The following NSMCE2 variants were observed in gnomAD, a reference collection of about 807,000 sequenced individuals.
NSMCE2 encodes the protein E3 SUMO-protein ligase NSE2.
NSMCE2 carries 24 observed loss-of-function variants against 23.8 expected under a neutral mutation model. The ratio of observed to expected loss-of-function variants is 1.01; its 90% CI spans 0.73 to 1.42. The LOEUF (loss-of-function observed/expected upper bound fraction) is 1.42, where lower values mean the gene tolerates loss of function less well. Ranked by LOEUF, NSMCE2 falls within the 40% of genes most tolerant of loss-of-function variation. The probability of loss-of-function intolerance (pLI) is 0.00; values close to 1 mark genes in which losing one functional copy is unlikely to be tolerated. For missense variants in NSMCE2, 284 were observed against 296.5 expected (o/e 0.96, Z 0.31); for synonymous variants, 92 against 94.1 (o/e 0.98, Z 0.13).
At chr8:125,260,035 T>C (rs1194065953) in intron 5 of NSMCE2, among the ~76,000 whole-genome samples, 2 of 152,210 alleles carry the variant, frequency 1.3e-5, no homozygotes, top group African/African-American at 4.8e-5. Context: ...GGCTGGATAT[T>C]CTGGGATAAA....
chr8:125,363,925 G>A (rs1436559868), intron 7 of NSMCE2, among the ~76,000 whole-genome samples: 1 of 151,982 alleles, frequency 6.6e-6, no homozygotes, highest in Non-Finnish European at 1.5e-5. Context: ...ACCTGAGTAT[G>A]TAGGGCACTT....
At chr8:125,100,059 A>G (rs998287796) in intron 1 of NSMCE2, among the ~76,000 whole-genome samples, 11 of 152,064 alleles carry the variant, frequency 7.2e-5, no homozygotes, top group Non-Finnish European at 1.5e-5. Flanking sequence ...CAGTTTATTC[A>G]TTTTAACAGG....
intron 3 of NSMCE2, among the ~76,000 whole-genome samples, chr8:125,115,738 AT>A (rs111930782): frequency 0.01 from 1,578 of 151,992 alleles, 24 homozygotes; most frequent in African/African-American, 0.025. Flanking sequence ...ATAAAAAAAA[AT>A]AATAATAAAT....
At chr8:125,167,962 G>T (rs1442582443) in intron 4 of NSMCE2, among the ~76,000 whole-genome samples, 1 of 152,028 alleles carries the variant, frequency 6.6e-6, no homozygotes, top group African/African-American at 2.4e-5. Flanking sequence ...TGTCAATGTT[G>T]GAACCAAGCT....
At chr8:125,329,164 A>C (rs1829782976) in intron 5 of NSMCE2, among the ~76,000 whole-genome samples, 1 of 152,212 alleles carries the variant, frequency 6.6e-6, no homozygotes, top group Non-Finnish European at 1.5e-5. Flanking sequence ...TCTGAATGAC[A>C]GCAAGACCAG....
In NSMCE2 at chr8:125,172,917, A is replaced by G. The variant is rs554901693; in HGVS notation, c.265-9186A>G. ...TGACGTTTATCTGACAACACTTTAGACTGTCATTCACAGGGGTGAGGAAGG... is the reference window on the plus strand; with the variant it reads ...TGACGTTTATCTGACAACACTTTAGGCTGTCATTCACAGGGGTGAGGAAGG... On this transcript the variant is annotated intron_variant, in intron 4 of 7. Transcript: ENST00000287437. Among the ~76,000 whole-genome samples, 10 of 152,188 alleles carry G rather than the reference A, an allele frequency of 6.6e-5. No individual in the cohort carries two copies. The South Asian group carries it at 2.1e-3, about 32-fold the overall frequency.
intron 4 of NSMCE2, among the ~76,000 whole-genome samples, chr8:125,169,036 G>A (rs1342926542): frequency 1.3e-5 from 2 of 152,174 alleles, no homozygotes; most frequent in Non-Finnish European, 2.9e-5. Context: ...CAAATCCAGA[G>A]AATATTGTTC....
intron 5 of NSMCE2, among the ~76,000 whole-genome samples, chr8:125,303,655 A>G (rs1451163991): frequency 3.3e-5 from 5 of 152,114 alleles, no homozygotes; most frequent in East Asian, 1.9e-4. Flanking sequence ...ATATATTCCA[A>G]TTGCTGTACA....
At chr8:125,315,899 C>T (rs1305957206) in intron 5 of NSMCE2, among the ~76,000 whole-genome samples, 1 of 152,092 alleles carries the variant, frequency 6.6e-6, no homozygotes, top group African/African-American at 2.4e-5. Context: ...ACCTCCTGGG[C>T]TCAAGCAATC....
intron 5 of NSMCE2, among the ~76,000 whole-genome samples, chr8:125,262,900 G>A (rs923420712): frequency 2.8e-5 from 4 of 144,428 alleles, no homozygotes; most frequent in Non-Finnish European, 6.1e-5. Context: ...AAATGTGGCA[G>A]TGGTTTTGAC....
chr8:125,257,527 T>C (rs1302180306), intron 5 of NSMCE2, among the ~76,000 whole-genome samples: 2 of 103,566 alleles, frequency 1.9e-5, no homozygotes, highest in Non-Finnish European at 3.9e-5. Context: ...TTTCTCTTTT[T>C]TTTTTTTTTT....
chr8:125,175,610 T>G (rs1486827290), intron 4 of NSMCE2, among the ~76,000 whole-genome samples: 2 of 152,198 alleles, frequency 1.3e-5, no homozygotes, highest in African/African-American at 4.8e-5. Flanking sequence ...ACTAATTTTA[T>G]ACTAGATTCT....
At chr8:125,229,924 C>T (rs1243304112) in intron 5 of NSMCE2, among the ~76,000 whole-genome samples, 4 of 152,028 alleles carry the variant, frequency 2.6e-5, no homozygotes, top group Non-Finnish European at 5.9e-5. Context: ...CATATAGTCT[C>T]AGACAGAAGC....
chr8:125,122,663 A>G (rs1367093027), intron 3 of NSMCE2, among the ~76,000 whole-genome samples: 2 of 152,008 alleles, frequency 1.3e-5, no homozygotes, highest in African/African-American at 4.8e-5. Context: ...ACCCAAACCA[A>G]ATTGATCTCT....
intron 5 of NSMCE2, among the ~76,000 whole-genome samples, chr8:125,260,692 T>G (rs1563749596): frequency 6.6e-6 from 1 of 151,882 alleles, no homozygotes; most frequent in African/African-American, 2.4e-5. Flanking sequence ...TGATGTGGTC[T>G]CAGCTCACTG....
chr8:125,338,761 A>G (rs1227123801), intron 5 of NSMCE2, among the ~76,000 whole-genome samples: 6 of 152,202 alleles, frequency 3.9e-5, no homozygotes, highest in Non-Finnish European at 7.3e-5. Context: ...TAGTTGGGTT[A>G]TAAATGAAAT....
intron 4 of NSMCE2, among the ~76,000 whole-genome samples, chr8:125,176,349 A>C (rs1345640526): frequency 6.6e-6 from 1 of 152,172 alleles, no homozygotes; most frequent in Non-Finnish European, 1.5e-5. Context: ...ATTCCTTCCT[A>C]AACTTTGTGG....
chr8:125,260,170 C>T (rs1826625039), intron 5 of NSMCE2, among the ~76,000 whole-genome samples: 1 of 152,142 alleles, frequency 6.6e-6, no homozygotes, highest in Non-Finnish European at 1.5e-5. Flanking sequence ...GGTTTCAAAT[C>T]AAGAAATGTG....
intron 5 of NSMCE2, among the ~76,000 whole-genome samples, chr8:125,184,183 A>G (rs1250533846): frequency 6.6e-6 from 1 of 152,194 alleles, no homozygotes; most frequent in Non-Finnish European, 1.5e-5. Flanking sequence ...TTGAAGGACA[A>G]ATATTCAAAA....
Sources: allele counts gnomAD v4.1 joint callset (sites outside exome capture counted in the v4.1 genomes callset), GRCh38; gene constraint gnomAD v4.1.1; transcripts MANE v1.5; gene names NCBI Gene and HGNC (gene_info 2026-07-23, HGNC 2026-07-21).